Variants in SMARCC1 observed in about 807,000 individuals in gnomAD.
SMARCC1 encodes the protein SWI/SNF related BAF chromatin remodeling complex subunit C1, also known as SWI/SNF complex subunit SMARCC1.
In SMARCC1, 43 loss-of-function variants were observed where a neutral mutation model predicts 147.4. The ratio of observed to expected loss-of-function variants is 0.29; its 90% CI spans 0.23 to 0.38. The LOEUF is 0.38. Ranked by LOEUF, SMARCC1 falls within the 10% of genes least tolerant of loss-of-function variation. The probability of loss-of-function intolerance (pLI) is 1.00; values close to 1 mark genes in which losing one functional copy is unlikely to be tolerated. For synonymous variants in SMARCC1, 495 were observed against 484.4 expected (o/e 1.02, Z -0.29); for missense variants, 1,119 against 1,381.1 (o/e 0.81, Z 3.01).
chr3:47,601,996 G>A (rs1363598648), intron 26 of SMARCC1, among the ~76,000 whole-genome samples: 6 of 151,998 alleles, frequency 3.9e-5, no homozygotes, highest in Non-Finnish European at 7.4e-5. Context: ...CACCATGCCC[G>A]GCCAGGCTAT....
intron 26 of SMARCC1, chr3:47,604,483 G>A (rs1408607540): frequency 6.3e-5 from 23 of 365,954 alleles, no homozygotes; most frequent in Non-Finnish European, 1.1e-4. Flanking sequence ...TAGGAATCAT[G>A]AGTTGGAAGG....
At chr3:47,686,547 G>A (rs1057016728) in intron 13 of SMARCC1, among the ~76,000 whole-genome samples, 1 of 152,090 alleles carries the variant, frequency 6.6e-6, no homozygotes, top group African/African-American at 2.4e-5. Context: ...TACTTAATCT[G>A]AAGTAAATGT....
chr3:47,595,157 CT>C, intron 26 of SMARCC1, among the ~76,000 whole-genome samples: 1 of 152,278 alleles, frequency 6.6e-6, no homozygotes, highest in East Asian at 1.9e-4. Flanking sequence ...AAGAGGACAT[CT>C]GGCGGTTCTC....
In SMARCC1 at chr3:47,638,618, A is replaced by G. The variant is rs2033005678; in HGVS notation, c.2376+107T>C. 8 of 757,578 alleles carry G rather than the reference A, an allele frequency of 1.1e-5. No individual in the cohort carries two copies. In the South Asian group the frequency reaches 1.2e-4, roughly 12 times the overall value. 46.9% of individuals were successfully genotyped at this position (757,578 alleles called of 1,614,324 possible). Reference sequence around the variant, plus strand: ...TAAACCAGCAAAGTCCAAGTAGCTGATAGAATTATTTAGAGTCCCCTAAGA... The same window carrying G: ...TAAACCAGCAAAGTCCAAGTAGCTGGTAGAATTATTTAGAGTCCCCTAAGA... On this transcript the variant is annotated intron_variant, in intron 22 of 27. Coordinates refer to ENST00000254480, the MANE Select transcript of SMARCC1 (RefSeq NM_003074.4).
intron 24 of SMARCC1, among the ~76,000 whole-genome samples, chr3:47,634,798 G>A (rs143465579): frequency 8.5e-4 from 130 of 152,232 alleles, no homozygotes; most frequent in African/African-American, 2.9e-3. Flanking sequence ...AAGTATTTAG[G>A]CAAGGAAACA....
At chr3:47,611,362 A>G (rs2032561869) in intron 25 of SMARCC1, among the ~76,000 whole-genome samples, 1 of 152,230 alleles carries the variant, frequency 6.6e-6, no homozygotes, top group South Asian at 2.1e-4. Flanking sequence ...TGTGGCTAAC[A>G]TGAAATGAGA....
At chr3:47,692,369 T>G (rs556979811) in intron 12 of SMARCC1, among the ~76,000 whole-genome samples, 2 of 152,358 alleles carry the variant, frequency 1.3e-5, no homozygotes, top group South Asian at 4.1e-4. Flanking sequence ...TCATTCTCAT[T>G]TTATACTGCT....
intron 1 of SMARCC1, among the ~76,000 whole-genome samples, chr3:47,775,119 G>C (rs996674899): frequency 7.3e-5 from 11 of 151,380 alleles, no homozygotes; most frequent in Admixed American, 2.6e-4. Context: ...ATACTTTCAA[G>C]TGAAAATTTG....
intron 1 of SMARCC1, among the ~76,000 whole-genome samples, chr3:47,778,079 T>G (rs948869519): frequency 4.0e-5 from 6 of 149,760 alleles, no homozygotes; most frequent in Admixed American, 3.3e-4. Flanking sequence ...TGGTGGCGGG[T>G]GCCTGTAATC....
At position 47,633,817 on chromosome 3, in the gene SMARCC1, C is replaced by CACACACACAT. The variant is rs1406763088; in HGVS notation, c.2646+1372_2646+1373insATGTGTGTGT. On this transcript the variant is annotated intron_variant, in intron 24 of 27. Transcript: ENST00000254480. ...ACACACACACACACACACACACACA[C>CACACACACAT]ATATATATAAAATGTGAGAGACTAT... Among the ~76,000 whole-genome samples the CACACACACAT allele has an allele frequency of 1.4e-3, 178 of 125,368 alleles. 1 individual carries two copies. Among genetic ancestry groups the CACACACACAT allele is most frequent in the South Asian group, 0.013 (49 of 3,736 alleles). 82.2% of individuals were successfully genotyped at this position (125,368 alleles called of 152,430 possible).
chr3:47,773,073 G>C (rs113549416), intron 1 of SMARCC1, 137 bp from the exon 2 acceptor site: 8,067 of 627,118 alleles, frequency 0.013, 128 homozygotes, highest in Non-Finnish European at 0.012. Flanking sequence ...TGCTATAAAG[G>C]AGCTTACAAA....
Position 47,675,481 on chromosome 3 carries a change from T to C in SMARCC1, c.1833A>G (p.Leu611=). 6.4e-7 allele frequency: 1 copy of C among 1,559,304 alleles called. No homozygotes were observed. The highest frequency in any genetic ancestry group is 1.1e-5 in the South Asian group (1 of 89,966). ...GTGTGATTAGAAAAATTACCTTTGC[T>C]AATGTTTTCTTGGAGTAAATGTCAG... is the stretch of plus-strand genomic sequence containing the variant. ...LRTDIYSKKT[L]AKSKGASAGR... The change falls in exon 18 of 28, where the codon TTA becomes TTG. Residue 611 remains leucine (L), a synonymous_variant. Coordinates refer to ENST00000254480, the MANE Select transcript of SMARCC1 (RefSeq NM_003074.4).
intron 2 of SMARCC1, among the ~76,000 whole-genome samples, chr3:47,765,347 T>A (rs1206487770): frequency 6.6e-6 from 1 of 151,986 alleles, no homozygotes; most frequent in Non-Finnish European, 1.5e-5. Context: ...CATACGTTTG[T>A]TAGGGTTGTT....
At chr3:47,747,832 C>G (rs188462492) in intron 2 of SMARCC1, among the ~76,000 whole-genome samples, 318 of 151,458 alleles carry the variant, frequency 2.1e-3, no homozygotes, top group Middle Eastern at 6.9e-3. Flanking sequence ...GGATAGTGGA[C>G]TTCTTCGCCT....
intron 24 of SMARCC1, among the ~76,000 whole-genome samples, chr3:47,628,161 C>G (rs1386061745): frequency 6.6e-6 from 1 of 152,160 alleles, no homozygotes; most frequent in African/African-American, 2.4e-5. Context: ...GCCTACAACA[C>G]TCTTTCCTTT....
At chr3:47,595,891 CG>C (rs1451953808) in intron 26 of SMARCC1, among the ~76,000 whole-genome samples, 1 of 151,730 alleles carries the variant, frequency 6.6e-6, no homozygotes, top group Non-Finnish European at 1.5e-5. Flanking sequence ...CGTGCCACCA[CG>C]CCCAGCTAAT....
At chr3:47,633,219 T>C (rs373601445) in intron 24 of SMARCC1, among the ~76,000 whole-genome samples, 2 of 152,124 alleles carry the variant, frequency 1.3e-5, no homozygotes, top group Admixed American at 1.3e-4. Context: ...GAAGATTACA[T>C]TGGCTGCGGG....
intron 18 of SMARCC1, among the ~76,000 whole-genome samples, chr3:47,674,464 C>T (rs575080826): frequency 3.0e-4 from 45 of 152,226 alleles, no homozygotes; most frequent in African/African-American, 1.0e-3. Context: ...TGTCCTTTGG[C>T]TTTGATCATT....
intron 24 of SMARCC1, among the ~76,000 whole-genome samples, chr3:47,628,128 C>T (rs907151050): frequency 6.6e-6 from 1 of 152,074 alleles, no homozygotes. Context: ...AGTTTCCACA[C>T]AGCCAATATT....
Sources: allele counts gnomAD v4.1 joint callset (sites outside exome capture counted in the v4.1 genomes callset), GRCh38; gene constraint gnomAD v4.1.1; transcripts MANE v1.5; gene names NCBI Gene and HGNC (gene_info 2026-07-23, HGNC 2026-07-21).